Variants in ATRX observed in about 807,000 individuals in gnomAD.
ATRX encodes chromatin remodeler ATRX.
ATRX carries 12 observed loss-of-function variants against 172.6 expected under a neutral mutation model. The observed-to-expected ratio is 0.07, with a 90% CI of 0.04 to 0.11. ATRX has a LOEUF of 0.11. Among genes scored for constraint, ATRX ranks in the 10% least tolerant of loss-of-function variants. The pLI, the probability that ATRX is intolerant of heterozygous loss-of-function variation, is 1.00. For synonymous variants in ATRX, 674 were observed against 594.7 expected (o/e 1.13, Z -1.94); for missense variants, 1,368 against 1,767.4 (o/e 0.77, Z 4.05).
chrX:77,735,452 C>T (rs1218782909), intron 1 of ATRX, among the ~76,000 whole-genome samples: 1 of 111,273 alleles, frequency 9.0e-6, no homozygotes, highest in Non-Finnish European at 1.9e-5. Flanking sequence ...AATTAGCCGG[C>T]ACAGTGACGG....
chrX:77,629,138 T>C (rs1395574625), intron 19 of ATRX, among the ~76,000 whole-genome samples: 1 of 112,539 alleles, frequency 8.9e-6, no homozygotes, highest in African/African-American at 3.2e-5. Context: ...CAAAACTGTC[T>C]GGTTCTGACA....
rs781938136 is a variant in ATRX, at chrX:77,534,208, CAG to C, written c.6700-10809_6700-10808del. Among the ~76,000 whole-genome samples the C allele has an allele frequency of 6.3e-5, 7 of 111,161 alleles. No individual in the cohort carries two copies. In the South Asian group the frequency reaches 2.6e-3, roughly 42 times the overall value. On this transcript the variant is annotated intron_variant, in intron 30 of 34. Transcript: ENST00000373344. ...GGAAGGCAGAAGTCTTTCTTTCCTC[CAG>C]AGTGCTATGTAAGACATGAATAAGA...
Position 77,654,165 on chromosome X carries a change from C to T in ATRX, c.4250G>A (p.Arg1417Gln), listed in dbSNP as rs1557118749. 3 of 1,208,425 alleles carry T rather than the reference C, an allele frequency of 2.5e-6. No homozygotes were observed. The highest frequency in any genetic ancestry group is 2.2e-5 in the Admixed American group (1 of 45,727). The change falls in exon 14 of 35, where the codon CGG (arginine) becomes CAG (glutamine). Residue 1417 changes from arginine to glutamine, a missense_variant. Physicochemically the swap from Arg to Gln is conservative, Grantham distance 43. Transcript: ENST00000373344. The part of the protein sequence containing the change: ...AKKAELEENQ[R>Q]SYKQKKKRRR... ...CCTTTTCTTTTTCTGTTTATAGCTC[C>T]GCTGATTTTCTTCCAACTCTGCTTT...
chrX:77,674,018 C>T (rs2070747493), intron 10 of ATRX: 1 of 111,081 alleles, frequency 9.0e-6, no homozygotes, highest in Non-Finnish European at 1.9e-5. Flanking sequence ...ACTATCGCTT[C>T]ATAAACACCA....
chrX:77,747,158 T>C (rs1392829995), intron 1 of ATRX, among the ~76,000 whole-genome samples: 2 of 111,661 alleles, frequency 1.8e-5, no homozygotes, highest in Non-Finnish European at 3.8e-5. Flanking sequence ...AGGCCACTCA[T>C]GTCAAATTCA....
chrX:77,736,643 C>T (rs782245002), intron 1 of ATRX, among the ~76,000 whole-genome samples: 7 of 112,520 alleles, frequency 6.2e-5, no homozygotes, highest in South Asian at 3.7e-4. Context: ...ACAACCACTA[C>T]GAAGAACAGT....
chrX:77,510,637 C>T (rs1450144712), intron 34 of ATRX, among the ~76,000 whole-genome samples: 1 of 111,958 alleles, frequency 8.9e-6, no homozygotes, highest in Non-Finnish European at 1.9e-5. Context: ...CCTGAGTGAA[C>T]ATCAGCAGTA....
At chrX:77,576,839 T>C (rs956255085) in intron 27 of ATRX, among the ~76,000 whole-genome samples, 3 of 111,760 alleles carry the variant, frequency 2.7e-5, no homozygotes, top group Non-Finnish European at 5.6e-5. Flanking sequence ...TTCACTACTC[T>C]AGGAACCTCA....
intron 16 of ATRX, among the ~76,000 whole-genome samples, chrX:77,635,274 G>C (rs1221388333): frequency 2.7e-5 from 3 of 111,090 alleles, no homozygotes; most frequent in African/African-American, 9.8e-5. Flanking sequence ...GACAGAGCGA[G>C]ACTCCATCTC....
intron 11 of ATRX, among the ~76,000 whole-genome samples, chrX:77,664,251 T>TTTC (rs200213091): frequency 2.3e-4 from 25 of 110,970 alleles, no homozygotes; most frequent in African/African-American, 2.9e-4. Flanking sequence ...AGAGATTTTT[T>TTTC]TTCTTCTTCT....
chrX:77,644,184 C>CTTGGCCT (rs201415410), intron 15 of ATRX, among the ~76,000 whole-genome samples: 1,177 of 112,541 alleles, frequency 0.01, 18 homozygotes, highest in African/African-American at 0.036. Context: ...CCAGGTGATC[C>CTTGGCCT]GCCTGCCTTG....
intron 2 of ATRX, among the ~76,000 whole-genome samples, chrX:77,701,722 A>T (rs1451371459): frequency 5.6e-5 from 6 of 106,826 alleles, no homozygotes; most frequent in African/African-American, 2.0e-4. Context: ...CATGCATGTT[A>T]AAAAAAAAAA....
intron 12 of ATRX, among the ~76,000 whole-genome samples, chrX:77,662,640 A>C (rs1557123385): frequency 8.9e-6 from 1 of 111,963 alleles, no homozygotes; most frequent in African/African-American, 3.2e-5. Context: ...CAGTGTACTG[A>C]CATTTGCTTA....
intron 2 of ATRX, among the ~76,000 whole-genome samples, chrX:77,714,243 T>C (rs1220966583): frequency 9.0e-6 from 1 of 110,856 alleles, no homozygotes; most frequent in Admixed American, 9.7e-5. Flanking sequence ...TGAATGAGCT[T>C]AGGAATGGAT....
intron 15 of ATRX, among the ~76,000 whole-genome samples, chrX:77,638,081 T>C (rs2068482754): frequency 9.0e-6 from 1 of 111,653 alleles, no homozygotes; most frequent in Non-Finnish European, 1.9e-5. Context: ...AATGAATTTG[T>C]TAATGTTCAA....
At chrX:77,523,729 G>C (rs1407753896) in intron 30 of ATRX, among the ~76,000 whole-genome samples, 3 of 111,421 alleles carry the variant, frequency 2.7e-5, no homozygotes, top group Non-Finnish European at 3.8e-5. Context: ...GCTAACATAA[G>C]TCTGCTTAAA....
rs45575034 is a variant in ATRX at position 77,685,409 on chromosome X, T to C, written c.595-403A>G. Among the ~76,000 whole-genome samples the C allele has an allele frequency of 6.0e-3, 669 of 112,235 alleles. 6 individuals carry two copies. The highest frequency in any genetic ancestry group is 8.1e-3 in the Non-Finnish European group (430 of 53,154). On this transcript the variant is annotated intron_variant, in intron 7 of 34. Transcript: ENST00000373344. ...ACTGGACATTTCTCCAAAGAAGACATACAAATGACAAACAGGCATATGAAA... is the reference window on the plus strand; with the variant it reads ...ACTGGACATTTCTCCAAAGAAGACACACAAATGACAAACAGGCATATGAAA...
intron 1 of ATRX, among the ~76,000 whole-genome samples, chrX:77,759,506 G>T (rs1206473678): frequency 9.0e-6 from 1 of 111,097 alleles, no homozygotes; most frequent in Non-Finnish European, 1.9e-5. Flanking sequence ...TTGAGGTCAG[G>T]AGTTCGAGAC....
chrX:77,712,701 C>T (rs1363166864), intron 2 of ATRX, among the ~76,000 whole-genome samples: 3 of 110,996 alleles, frequency 2.7e-5, no homozygotes, highest in African/African-American at 9.8e-5. Flanking sequence ...CGGTGGTGTG[C>T]ACCTGTAGTT....
Sources: gnomAD v4.1 joint callset for allele counts (sites outside exome capture counted in the v4.1 genomes callset) on GRCh38, gnomAD v4.1.1 for gene constraint, MANE v1.5 for transcripts, NCBI Gene and HGNC (gene_info 2026-07-23, HGNC 2026-07-21) for gene names.